Variants in PRKG1 observed in about 807,000 individuals in gnomAD.
PRKG1 encodes the protein cGMP-dependent protein kinase 1.
A neutral mutation model predicts 88.1 loss-of-function variants in PRKG1; 35 were observed. The observed-to-expected ratio is 0.40, with a 90% CI of 0.30 to 0.53. PRKG1 has a LOEUF of 0.53. PRKG1 is among the 20% of genes least tolerant of loss of function. PRKG1 has a pLI of 0.59. For synonymous variants in PRKG1, 303 were observed against 292.5 expected, an observed-to-expected ratio of 1.04 and a Z score of -0.37; for missense variants, 540 against 839.8, an observed-to-expected ratio of 0.64 and a Z score of 4.41.
chr10:51,501,768 C>A (rs1307756259), intron 3 of PRKG1, among the ~76,000 whole-genome samples: 5 of 148,118 alleles, frequency 3.4e-5, no homozygotes, highest in African/African-American at 1.2e-4. Flanking sequence ...TATGTGCAAG[C>A]AAATTCACCC....
intron 2 of PRKG1, among the ~76,000 whole-genome samples, chr10:51,319,191 C>A (rs1434013631): frequency 3.3e-5 from 5 of 152,174 alleles, no homozygotes; most frequent in Non-Finnish European, 7.3e-5. Context: ...GTGCTTTGAG[C>A]AGCTATTACA....
intron 1 of PRKG1, among the ~76,000 whole-genome samples, chr10:51,085,250 CTAAG>C (rs1207278018): frequency 6.6e-6 from 1 of 152,160 alleles, no homozygotes; most frequent in South Asian, 2.1e-4. Context: ...TCACTGGTGA[CTAAG>C]TAACACGTTT....
chr10:51,417,736 C>A (rs1170701982), intron 2 of PRKG1, among the ~76,000 whole-genome samples: 1 of 152,080 alleles, frequency 6.6e-6, no homozygotes, highest in Non-Finnish European at 1.5e-5. Context: ...CAAACTGACA[C>A]CTCTCTTTAT....
Position 52,161,925 on chromosome 10 carries a change from T to C in PRKG1, c.1038T>C (p.Val346=). ...FKHLIGGLDD[V]SNKAYEDAEA... Reference sequence around the variant, plus strand: ...ATTTGATTGGAGGGCTGGATGATGTTTCTAATAAAGCATATGAAGATGCAG... The same window carrying C: ...ATTTGATTGGAGGGCTGGATGATGTCTCTAATAAAGCATATGAAGATGCAG... Residue 346 remains valine (V), a synonymous_variant, in exon 9 of 18, where the codon GTT becomes GTC. Coordinates refer to ENST00000373980, the MANE Select transcript of PRKG1 (RefSeq NM_006258.4). 2 of 1,612,660 alleles carry C rather than the reference T, an allele frequency of 1.2e-6. No individual in the cohort carries two copies. The highest frequency in any genetic ancestry group is 1.7e-6 in the Non-Finnish European group (2 of 1,179,374).
intron 5 of PRKG1, among the ~76,000 whole-genome samples, chr10:51,942,141 A>C (rs536897578): frequency 1.3e-5 from 2 of 151,944 alleles, no homozygotes; most frequent in East Asian, 3.9e-4. Context: ...AATGATTGCC[A>C]TTCTAACTGG....
chr10:51,519,712 T>C (rs1841688103), intron 3 of PRKG1, among the ~76,000 whole-genome samples: 1 of 152,188 alleles, frequency 6.6e-6, no homozygotes, highest in Admixed American at 6.5e-5. Flanking sequence ...GAAAGTTTAG[T>C]GTACCTATTG....
chr10:52,128,597 T>C (rs970936332), intron 7 of PRKG1: 5 of 983,258 alleles, frequency 5.1e-6, no homozygotes, highest in Non-Finnish European at 6.0e-6. Context: ...TCATGCTCTA[T>C]TGTTTCACTG....
chr10:51,267,357 A>G (rs1316123110), intron 2 of PRKG1, among the ~76,000 whole-genome samples: 2 of 152,194 alleles, frequency 1.3e-5, no homozygotes, highest in Non-Finnish European at 2.9e-5. Flanking sequence ...TTATTCTTTG[A>G]AAACACAGTT....
At chr10:51,897,082 G>A (rs1841869542) in intron 4 of PRKG1, among the ~76,000 whole-genome samples, 1 of 152,124 alleles carries the variant, frequency 6.6e-6, no homozygotes, top group Non-Finnish European at 1.5e-5. Flanking sequence ...TAAGACAATT[G>A]CATAATAGAC....
intron 1 of PRKG1, among the ~76,000 whole-genome samples, chr10:51,094,512 C>T (rs1473033881): frequency 1.3e-5 from 2 of 151,858 alleles, no homozygotes; most frequent in African/African-American, 4.8e-5. Flanking sequence ...TTACCTGAAA[C>T]CTTTGGATCC....
intron 5 of PRKG1, among the ~76,000 whole-genome samples, chr10:52,030,613 G>A (rs1216283575): frequency 6.6e-6 from 1 of 152,144 alleles, no homozygotes; most frequent in Non-Finnish European, 1.5e-5. Context: ...CAGTTTGGCA[G>A]CAAGGGAAGA....
intron 2 of PRKG1, among the ~76,000 whole-genome samples, chr10:51,346,724 T>C (rs1402394252): frequency 6.6e-6 from 1 of 152,232 alleles, no homozygotes; most frequent in Non-Finnish European, 1.5e-5. Context: ...ATAACTTCAC[T>C]GAATTTGACA....
At chr10:51,957,834 T>C (rs1843351093) in intron 5 of PRKG1, among the ~76,000 whole-genome samples, 2 of 152,294 alleles carry the variant, frequency 1.3e-5, no homozygotes, top group East Asian at 3.9e-4. Flanking sequence ...GTAGGACATA[T>C]AGTTGTTGTT....
At chr10:51,900,762 C>A (rs1238118099) in intron 4 of PRKG1, among the ~76,000 whole-genome samples, 1 of 151,882 alleles carries the variant, frequency 6.6e-6, no homozygotes, top group African/African-American at 2.4e-5. Flanking sequence ...CTGCCAAAAC[C>A]CATATTTTTT....
At position 52,152,753 on chromosome 10, in the gene PRKG1, T is replaced by A. The variant is rs140531515; in HGVS notation, c.1002-9136T>A. Among the ~76,000 whole-genome samples the A allele has an allele frequency of 4.9e-3, 742 of 152,294 alleles. 4 individuals are homozygous for A. Among genetic ancestry groups the A allele is most frequent in the Non-Finnish European group, 7.7e-3 (523 of 68,018 alleles). The stretch of plus-strand genomic sequence containing the variant: ...AATAAAGGAAAAGGCAGTTACAGAA[T>A]TCTTCAGTGAGAAAATGGCAGTTGA... On this transcript the variant is annotated intron_variant, in intron 8 of 17. Coordinates refer to ENST00000373980, the MANE Select transcript of PRKG1 (RefSeq NM_006258.4).
intron 9 of PRKG1, among the ~76,000 whole-genome samples, chr10:52,212,778 TG>T (rs1316758852): frequency 6.6e-6 from 1 of 152,224 alleles, no homozygotes; most frequent in Non-Finnish European, 1.5e-5. Context: ...ATGCTTTAAC[TG>T]GATTATGGAA....
intron 2 of PRKG1, among the ~76,000 whole-genome samples, chr10:51,172,842 G>A (rs917467767): frequency 6.6e-6 from 1 of 151,958 alleles, no homozygotes; most frequent in African/African-American, 2.4e-5. Flanking sequence ...CTAATACAAA[G>A]AATTAAATGA....
At chr10:52,168,315 G>C (rs961919947) in intron 9 of PRKG1, among the ~76,000 whole-genome samples, 2 of 152,084 alleles carry the variant, frequency 1.3e-5, no homozygotes, top group Non-Finnish European at 2.9e-5. Flanking sequence ...TAAGCAAGGA[G>C]GTATGGAGAG....
intron 2 of PRKG1, among the ~76,000 whole-genome samples, chr10:51,242,603 G>C (rs1839183696): frequency 6.6e-6 from 1 of 152,214 alleles, no homozygotes; most frequent in Middle Eastern, 3.4e-3. Flanking sequence ...CGCAGTCTAG[G>C]GGTAAAACAA....
Sources: allele counts gnomAD v4.1 joint callset (sites outside exome capture counted in the v4.1 genomes callset), GRCh38; gene constraint gnomAD v4.1.1; transcripts MANE v1.5; gene names NCBI Gene and HGNC (gene_info 2026-07-23, HGNC 2026-07-21).